Variants in SLC35B1 observed in about 807,000 individuals in gnomAD.
SLC35B1 encodes solute carrier family 35 member B1.
In SLC35B1, 27 loss-of-function variants were observed where a neutral mutation model predicts 36.6. The ratio of observed to expected loss-of-function variants is 0.74; its 90% CI spans 0.54 to 1.02. The LOEUF (loss-of-function observed/expected upper bound fraction) is 1.02, where lower values mean the gene tolerates loss of function less well. Ranked by LOEUF, SLC35B1 falls within the 50% of genes least tolerant of loss-of-function variation. The pLI is 0.00. For missense variants in SLC35B1, 321 were observed against 383.2 expected (o/e 0.84, Z 1.35); for synonymous variants, 162 against 152.5 (o/e 1.06, Z -0.46).
At position 49,707,085 on chromosome 17, in the gene SLC35B1, T is replaced by G; in HGVS notation, c.105-17A>C. ...CCTCTTGTTCTAGAAATGAAATGCA[T>G]GAGAAAAGAGGGAGAAATTAGTGTA... On this transcript the variant is annotated splice_polypyrimidine_tract_variant and intron_variant, in intron 1 of 8. Coordinates refer to ENST00000240333, the MANE Select transcript of SLC35B1 (RefSeq NM_005827.4). 1.3e-6 allele frequency: 2 copies of G among 1,588,796 alleles called. No homozygotes were observed. The highest frequency in any genetic ancestry group is 1.3e-5 in the African/African-American group (1 of 74,502).
At position 49,705,170 on chromosome 17, in the gene SLC35B1, A is replaced by G. The variant is rs1189825598; in HGVS notation, c.482T>C (p.Val161Ala). The stretch of plus-strand genomic sequence containing the variant: ...GACTGTGTGTTCTTCTATCCCAACA[A>G]CTTTCTTGGGTTTGTACATGAAAAG... ...VALFMYKPKK[V>A]VGIEEHTVGY... The change falls in exon 5 of 9, where the codon GTT becomes GCT. Residue 161 changes from valine to alanine, a missense_variant. Physicochemically the swap from Val to Ala is moderately conservative, Grantham distance 64. Coordinates refer to ENST00000240333, the MANE Select transcript of SLC35B1 (RefSeq NM_005827.4). 6.2e-7 allele frequency: 1 copy of G among 1,613,928 alleles called. No homozygotes were observed. Among genetic ancestry groups the G allele is most frequent in the Non-Finnish European group, 8.5e-7 (1 of 1,179,996 alleles).
At chr17:49,706,103 T>TTTTC in intron 3 of SLC35B1, 101 bp downstream of exon 3, 1 of 100,552 alleles carries the variant, frequency 9.9e-6, no homozygotes, top group East Asian at 2.4e-4. Context: ...GACCGTTATC[T>TTTTC]TTTTTTTTTT....
chr17:49,702,754 A>C (rs915807016), intron 8 of SLC35B1, 104 bp downstream of exon 8: 4 of 1,315,568 alleles, frequency 3.0e-6, no homozygotes, highest in Non-Finnish European at 4.2e-6. Flanking sequence ...CTCAAAAAAA[A>C]GAGAAAAGTT....
intron 3 of SLC35B1, 80 bp from the exon 4 acceptor site, chr17:49,705,976 G>A: frequency 2.1e-6 from 3 of 1,460,390 alleles, no homozygotes; most frequent in Non-Finnish European, 2.9e-6. Context: ...TGATTAAGAT[G>A]AGTAAGCACA....
intron 2 of SLC35B1, 107 bp downstream of exon 2, chr17:49,706,858 T>G (rs1598012386): frequency 3.9e-6 from 3 of 772,824 alleles, no homozygotes; most frequent in South Asian, 1.5e-5. Flanking sequence ...CAAAATGGGG[T>G]GGAGATCATG....
At position 49,705,256 on chromosome 17, in the gene SLC35B1, C is replaced by T. The variant is rs147270335; in HGVS notation, c.396G>A (p.Leu132=). 5,982 of 1,614,168 alleles carry T rather than the reference C, an allele frequency of 3.7e-3. 23 individuals are homozygous for T. The highest frequency in any genetic ancestry group is 4.1e-3 in the Non-Finnish European group (4,884 of 1,180,022). The change falls in exon 5 of 9, where the codon TTG becomes TTA. Residue 132 remains leucine, a synonymous_variant. Coordinates refer to ENST00000240333, the MANE Select transcript of SLC35B1 (RefSeq NM_005827.4). ...ACTTGGCCAACGGGTACTTCTTCTT[C>T]AAGAGGGTCACCCCAAGGAGCATGA... ...IPVMLLGVTL[L]KKKYPLAKYL...
At chr17:49,707,590 A>G (rs1438275271) in intron 1 of SLC35B1, 140 bp downstream of exon 1, 6 of 1,453,294 alleles carry the variant, frequency 4.1e-6, no homozygotes, top group Non-Finnish European at 5.5e-6. Context: ...GCTCAGCCAT[A>G]GCTGCAAAAG....
At chr17:49,701,688 T>C (rs2073352771) in intron 8 of SLC35B1, 178 bp from the exon 9 acceptor site, 1 of 576,416 alleles carries the variant, frequency 1.7e-6, no homozygotes, top group Middle Eastern at 3.5e-4. Context: ...ACCAGGATAC[T>C]AGTTATTACA....
In SLC35B1 at chr17:49,707,838, C is replaced by T. The variant is rs1475665129; in HGVS notation, c.-5G>A. 3.7e-6 allele frequency: 6 copies of T among 1,611,680 alleles called. No homozygotes were observed. Among genetic ancestry groups the T allele is most frequent in the Admixed American group, 3.3e-5 (2 of 59,958 alleles). On this transcript the variant is annotated 5_prime_UTR_variant, in exon 1 of 9. Transcript: ENST00000240333. ...CAGGGAGCTGCTAGAGGCCATGAGACGCCCAGAGGAGCCGACTGGAGACCC... is the reference window on the plus strand; with the variant it reads ...CAGGGAGCTGCTAGAGGCCATGAGATGCCCAGAGGAGCCGACTGGAGACCC...
chr17:49,703,833 T>C (rs2073382264), intron 6 of SLC35B1: 1 of 433,706 alleles, frequency 2.3e-6, no homozygotes, highest in Admixed American at 3.5e-5. Context: ...AAGGGAAAGT[T>C]CCCAGGTACC....
At chr17:49,705,374 G>A (rs1007990511) in intron 4 of SLC35B1, 93 bp from the exon 5 acceptor site, 4 of 1,285,302 alleles carry the variant, frequency 3.1e-6, no homozygotes, top group African/African-American at 1.5e-5. Context: ...AAAGACTCAG[G>A]GAGAAAAGAA....
At position 49,703,342 on chromosome 17, in the gene SLC35B1, ATG is replaced by A. The variant is rs774447501; in HGVS notation, c.656-50_656-49del. The A allele has an allele frequency of 3.4e-4, 322 of 934,872 alleles. 4 individuals are homozygous for A. In the East Asian group the frequency reaches 6.6e-3, roughly 19 times the overall value. The allele number at this position is 934,872 out of a possible 1,614,324, so 57.9% of individuals were successfully genotyped here. A position where few individuals can be genotyped will look rare whatever the true frequency, so the allele number is the denominator to read the frequency against. On this transcript the variant is annotated intron_variant, in intron 6 of 8. Transcript: ENST00000240333. ...GTACGGCGCATTTTGTGCACACAAA[ATG>A]TGCGCACACACACACACACACACAC...
chr17:49,706,353 A>AAAAAAAAAAAAG lies in SLC35B1; in HGVS notation c.209-20_209-19insCTTTTTTTTTTT, dbSNP rs1389893788. On this transcript the variant is annotated intron_variant, in intron 2 of 8. Coordinates refer to ENST00000240333, the MANE Select transcript of SLC35B1 (RefSeq NM_005827.4). ...TGGATCACTGGGAGAAGACAAAAAA[A>AAAAAAAAAAAAG]AAAAAAAAAAAAGAAAAGAAAAGAA... is the stretch of plus-strand genomic sequence containing the variant. 1 of 1,358,776 alleles carries AAAAAAAAAAAAG rather than the reference A, an allele frequency of 7.4e-7. No homozygotes were observed. Among genetic ancestry groups the AAAAAAAAAAAAG allele is most frequent in the Non-Finnish European group, 9.7e-7 (1 of 1,029,736 alleles). The allele number at this position is 1,358,776 out of a possible 1,614,324, so 84.2% of individuals were successfully genotyped here.
chr17:49,708,001 G>A, upstream of SLC35B1: 7 of 1,425,984 alleles, frequency 4.9e-6, no homozygotes, highest in Non-Finnish European at 6.7e-6. Flanking sequence ...CAGAACTGCC[G>A]GCTCATGGCT....
At chr17:49,705,331 T>C in intron 4 of SLC35B1, 50 bp from the exon 5 acceptor site, 1 of 1,559,312 alleles carries the variant, frequency 6.4e-7, no homozygotes, top group Admixed American at 1.8e-5. Context: ...AAGGTATTGA[T>C]GACCCCAATG....
chr17:49,705,036 A>G (rs1230334869), intron 5 of SLC35B1, 88 bp downstream of exon 5: 1 of 1,362,854 alleles, frequency 7.3e-7, no homozygotes. Context: ...CTCCCTTGAC[A>G]CAGAACTGGC....
In SLC35B1 at chr17:49,707,886, A is replaced by AGCG; in HGVS notation, c.-56_-54dup. ...CCCGCTCACAACCGGCACCGGCAGCAGCGGCGGCGGAGGCGACAGCTCCAG... is the reference window on the plus strand; with the variant it reads ...CCCGCTCACAACCGGCACCGGCAGCAGCGGCGGCGGCGGAGGCGACAGCTCCAG... On this transcript the variant is annotated 5_prime_UTR_variant, in exon 1 of 9. Coordinates refer to ENST00000240333, the MANE Select transcript of SLC35B1 (RefSeq NM_005827.4). 6.2e-7 allele frequency: 1 copy of AGCG among 1,604,208 alleles called. No homozygotes were observed. Among genetic ancestry groups the AGCG allele is most frequent in the African/African-American group, 1.3e-5 (1 of 74,954 alleles).
chr17:49,706,374 A>C, intron 2 of SLC35B1, 40 bp from the exon 3 acceptor site: 1 of 1,140,352 alleles, frequency 8.8e-7, no homozygotes, highest in Non-Finnish European at 1.2e-6. Context: ...AAGAAAAGAA[A>C]AGAAAAAAAA....
chr17:49,705,459 G>C (rs1418513867), intron 4 of SLC35B1, 178 bp from the exon 5 acceptor site: 1 of 639,960 alleles, frequency 1.6e-6, no homozygotes, highest in Non-Finnish European at 2.7e-6. Context: ...TGAGCAACAG[G>C]GTTAAGTATA....
Sources: gnomAD v4.1 joint callset for allele counts on GRCh38, gnomAD v4.1.1 for gene constraint, MANE v1.5 for transcripts, NCBI Gene and HGNC (gene_info 2026-07-23, HGNC 2026-07-21) for gene names.